SEMA6D: variants seen among roughly 807,000 people sequenced by gnomAD.
SEMA6D encodes semaphorin-6D.
Under a neutral mutation model 106.6 loss-of-function variants are expected in SEMA6D, and 35 were observed. That is an observed-to-expected ratio of 0.33 (90% CI 0.25 to 0.44). The LOEUF (loss-of-function observed/expected upper bound fraction) is 0.44. Ranked by LOEUF, SEMA6D falls within the 20% of genes least tolerant of loss-of-function variation. The pLI, the probability that SEMA6D is intolerant of heterozygous loss-of-function variation, is 1.00. For synonymous variants in SEMA6D, 499 were observed against 487.7 expected, an observed-to-expected ratio of 1.02 and a Z score of -0.31; for missense variants, 1,185 against 1,345.9, an observed-to-expected ratio of 0.88 and a Z score of 1.87.
chr15:47,436,641 A>G (rs747977499), intron 2 of SEMA6D, among the ~76,000 whole-genome samples: 2 of 150,604 alleles, frequency 1.3e-5, no homozygotes, highest in Non-Finnish European at 3.0e-5. Context: ...TTAAAGATGG[A>G]TATTTTAGGC....
At chr15:47,505,346 G>A (rs1041949624) in intron 3 of SEMA6D, among the ~76,000 whole-genome samples, 2 of 152,128 alleles carry the variant, frequency 1.3e-5, no homozygotes, top group African/African-American at 4.8e-5. Context: ...CACATACAGG[G>A]ATGTTTGGGA....
chr15:47,665,946 CAA>C (rs1203670579), intron 4 of SEMA6D, among the ~76,000 whole-genome samples: 1 of 152,198 alleles, frequency 6.6e-6, no homozygotes, highest in Non-Finnish European at 1.5e-5. Flanking sequence ...ATAATACAGA[CAA>C]GAGTATTGAG....
At chr15:47,529,229 G>T (rs2044866155) in intron 3 of SEMA6D, among the ~76,000 whole-genome samples, 1 of 152,148 alleles carries the variant, frequency 6.6e-6, no homozygotes, top group South Asian at 2.1e-4. Context: ...TCTTCATGTT[G>T]AGTAGGCTGA....
intron 2 of SEMA6D, 70 bp from the exon 3 acceptor site, chr15:47,760,229 CAGCTA>C (rs2081987155): frequency 9.8e-7 from 1 of 1,016,474 alleles, no homozygotes; most frequent in East Asian, 2.4e-5. Context: ...CAAGTATATA[CAGCTA>C]ATCAATGCTG....
intron 4 of SEMA6D, among the ~76,000 whole-genome samples, chr15:47,685,032 C>T (rs1411539355): frequency 1.3e-5 from 2 of 151,828 alleles, no homozygotes; most frequent in African/African-American, 2.4e-5. Flanking sequence ...AAAGAGTGGA[C>T]TAAATTTCAA....
At chr15:47,394,880 G>C (rs903452791) in intron 1 of SEMA6D, among the ~76,000 whole-genome samples, 4 of 152,072 alleles carry the variant, frequency 2.6e-5, no homozygotes, top group Non-Finnish European at 4.4e-5. Flanking sequence ...GACATTATGT[G>C]AAGTGGCAAC....
chr15:47,403,225 A>C (rs944775178), intron 1 of SEMA6D, among the ~76,000 whole-genome samples: 10 of 152,184 alleles, frequency 6.6e-5, no homozygotes, highest in Non-Finnish European at 1.2e-4. Context: ...TTTGAAATAA[A>C]ATGGACCAGT....
At chr15:47,254,125 A>G (rs1051539484) in intron 1 of SEMA6D, among the ~76,000 whole-genome samples, 1 of 149,888 alleles carries the variant, frequency 6.7e-6, no homozygotes, top group African/African-American at 2.5e-5. Flanking sequence ...AATTACTTTT[A>G]TTTCTTTTTA....
intron 4 of SEMA6D, among the ~76,000 whole-genome samples, chr15:47,698,859 A>G (rs1244973633): frequency 2.0e-5 from 3 of 152,136 alleles, no homozygotes; most frequent in Non-Finnish European, 4.4e-5. Flanking sequence ...CCCATGAACT[A>G]GAGACAAACT....
intron 2 of SEMA6D, among the ~76,000 whole-genome samples, chr15:47,434,711 A>G (rs1324501664): frequency 1.3e-5 from 2 of 152,166 alleles, no homozygotes; most frequent in African/African-American, 4.8e-5. Context: ...CATTCTACAA[A>G]TGGATAATGT....
intron 1 of SEMA6D, among the ~76,000 whole-genome samples, chr15:47,341,624 T>A (rs568085033): frequency 6.6e-6 from 1 of 152,286 alleles, no homozygotes; most frequent in East Asian, 1.9e-4. Context: ...AAAGTTGAGA[T>A]GTGACTGAGT....
At chr15:47,653,041 A>G (rs981588389) in intron 4 of SEMA6D, among the ~76,000 whole-genome samples, 15 of 152,196 alleles carry the variant, frequency 9.9e-5, no homozygotes, top group African/African-American at 3.6e-4. Context: ...CTTACTCTCC[A>G]TGCGTACTTA....
In SEMA6D at chr15:47,718,019, G is replaced by A. The variant is rs139694060; in HGVS notation, c.-55+327G>A. On this transcript the variant is annotated intron_variant, in intron 1 of 18. Coordinates refer to ENST00000536845, the MANE Select transcript of SEMA6D (RefSeq NM_001358351.3). ...TTAGGGGGAGGGGCAAGTGGACTTG[G>A]AGGCCCTCCTCCACTGTGCACCCCC... Among the ~76,000 whole-genome samples, 37 of 152,304 alleles carry A rather than the reference G, an allele frequency of 2.4e-4. 1 individual carries two copies. In the East Asian group the frequency reaches 7.0e-3, roughly 29 times the overall value.
At chr15:47,695,524 A>G (rs981834196) in intron 4 of SEMA6D, among the ~76,000 whole-genome samples, 4 of 152,082 alleles carry the variant, frequency 2.6e-5, no homozygotes, top group African/African-American at 9.7e-5. Context: ...AGACACACAC[A>G]CGAACACATG....
At chr15:47,375,706 A>G (rs1233088634) in intron 1 of SEMA6D, among the ~76,000 whole-genome samples, 1 of 152,214 alleles carries the variant, frequency 6.6e-6, no homozygotes, top group Non-Finnish European at 1.5e-5. Flanking sequence ...GGATTTACTT[A>G]TAGAAGTCTG....
chr15:47,561,777 A>T (rs1176544748), intron 3 of SEMA6D, among the ~76,000 whole-genome samples: 2 of 151,788 alleles, frequency 1.3e-5, no homozygotes, highest in African/African-American at 2.4e-5. Context: ...AATAATTAAA[A>T]CACTGTGTTG....
At position 47,555,207 on chromosome 15, in the gene SEMA6D, C is replaced by T. The variant is rs539207408; in HGVS notation, c.-86-45658C>T. Among the ~76,000 whole-genome samples the T allele has an allele frequency of 3.9e-5, 6 of 152,138 alleles. No individual in the cohort carries two copies. The East Asian group carries it at 9.7e-4, about 25-fold the overall frequency. ...AAGGGAGGTAAGATATTTTGCAGAG[C>T]CCAGATGTACCCCTTTCAAGAATGT... is the stretch of plus-strand genomic sequence containing the variant. On this transcript the variant is annotated intron_variant, in intron 3 of 19. Coordinates refer to the SEMA6D transcript ENST00000558014.
At chr15:47,187,953 T>G (rs536092160) in intron 1 of SEMA6D, among the ~76,000 whole-genome samples, 18 of 152,282 alleles carry the variant, frequency 1.2e-4, no homozygotes, top group African/African-American at 4.3e-4. Flanking sequence ...AGCTGTGTAG[T>G]ACATAATATA....
intron 2 of SEMA6D, among the ~76,000 whole-genome samples, chr15:47,462,481 T>C (rs1349671480): frequency 6.6e-6 from 1 of 152,070 alleles, no homozygotes; most frequent in Non-Finnish European, 1.5e-5. Context: ...TTTAGGAAAC[T>C]GAACCTCCTT....
Sources: allele counts gnomAD v4.1 joint callset (sites outside exome capture counted in the v4.1 genomes callset), GRCh38; gene constraint gnomAD v4.1.1; transcripts MANE v1.5; gene names NCBI Gene and HGNC (gene_info 2026-07-23, HGNC 2026-07-21).